Variants in HACE1 observed in about 807,000 individuals in gnomAD.
The protein encoded by HACE1 is E3 ubiquitin-protein ligase HACE1.
HACE1 carries 73 observed loss-of-function variants against 118.4 expected under a neutral mutation model. That is an observed-to-expected ratio of 0.62 (90% CI 0.51 to 0.75). The LOEUF is 0.75. Among genes scored for constraint, HACE1 ranks in the 30% least tolerant of loss-of-function variants. The probability of loss-of-function intolerance (pLI) is 0.00; values close to 1 mark genes in which losing one functional copy is unlikely to be tolerated. For synonymous variants in HACE1, 368 were observed against 374.8 expected (o/e 0.98, Z 0.21); for missense variants, 749 against 1,102.2 (o/e 0.68, Z 4.54).
intron 17 of HACE1, among the ~76,000 whole-genome samples, chr6:104,775,468 C>T (rs1220665283): frequency 6.6e-6 from 1 of 151,974 alleles, no homozygotes; most frequent in Non-Finnish European, 1.5e-5. Context: ...AAGGAAGTAC[C>T]TCAACTAATG....
chr6:104,811,512 CT>C, intron 6 of HACE1, 119 bp from the exon 7 acceptor site: 1 of 616,938 alleles, frequency 1.6e-6, no homozygotes, highest in East Asian at 3.5e-5. Context: ...TACATAGGAA[CT>C]GAGTGGGCAC....
rs1369017883 is a variant in HACE1 at position 104,729,316 on chromosome 6, C to T, written c.*346G>A. 6 of 245,338 alleles carry T rather than the reference C, an allele frequency of 2.4e-5. No individual in the cohort carries two copies. In the Admixed American group the frequency reaches 3.1e-4, roughly 13 times the overall value. 15.2% of individuals were successfully genotyped at this position (245,338 alleles called of 1,614,324 possible). A position where few individuals can be genotyped will look rare whatever the true frequency, so the allele number is the denominator to read the frequency against. ...TATATCAGAAATTAGGAGAAAACACCCTTTTAACAAGACAGTTACATAGCA... is the reference window on the plus strand; with the variant it reads ...TATATCAGAAATTAGGAGAAAACACTCTTTTAACAAGACAGTTACATAGCA... On this transcript the variant is annotated 3_prime_UTR_variant, in exon 24 of 24. Coordinates refer to ENST00000262903, the MANE Select transcript of HACE1 (RefSeq NM_020771.4).
intron 11 of HACE1, among the ~76,000 whole-genome samples, chr6:104,789,317 T>A (rs565384102): frequency 6.6e-6 from 1 of 152,098 alleles, no homozygotes; most frequent in African/African-American, 2.4e-5. Context: ...CAATTAGTGT[T>A]TTACAAAATG....
chr6:104,744,047 GGTGGTAA>G, intron 22 of HACE1, 106 bp downstream of exon 22: 2 of 730,250 alleles, frequency 2.7e-6, no homozygotes, highest in East Asian at 5.1e-5. Flanking sequence ...CAGTGGAAAG[GGTGGTAA>G]GTTACTGACA....
chr6:104,852,695 C>T (rs2499663), intron 1 of HACE1, among the ~76,000 whole-genome samples: 66,214 of 151,932 alleles, frequency 0.44, 16,013 homozygotes, highest in East Asian at 0.58. Context: ...TGGTAGCCCG[C>T]GCATCATCAT....
chr6:104,845,884 C>A (rs887150927), intron 4 of HACE1: 1 of 152,142 alleles, frequency 6.6e-6, no homozygotes, highest in Non-Finnish European at 1.5e-5. Context: ...GACCACAAAC[C>A]AGATAGTCCC....
chr6:104,759,051 G>T (rs1779036171), intron 19 of HACE1, among the ~76,000 whole-genome samples: 1 of 151,896 alleles, frequency 6.6e-6, no homozygotes, highest in Admixed American at 6.6e-5. Context: ...GAATCATAAA[G>T]CAAGTCCTTA....
intron 6 of HACE1, among the ~76,000 whole-genome samples, chr6:104,828,678 C>A (rs1773566559): frequency 6.6e-6 from 1 of 151,936 alleles, no homozygotes; most frequent in South Asian, 2.1e-4. Context: ...CTGCCCAAAC[C>A]ACTTCCTTCC....
intron 19 of HACE1, among the ~76,000 whole-genome samples, chr6:104,768,259 A>G (rs1780217395): frequency 6.6e-6 from 1 of 152,176 alleles, no homozygotes; most frequent in South Asian, 2.1e-4. Flanking sequence ...TTTAAGTTTC[A>G]ATAGTTCAAA....
chr6:104,755,130 T>C lies in HACE1; in HGVS notation c.2212-4658A>G, dbSNP rs566338217. ...AATGGAAAACAGAAAAAAGCAGGAGTTGCAACCCTAGATTCTGACAAAAGA... is the reference window on the plus strand; with the variant it reads ...AATGGAAAACAGAAAAAAGCAGGAGCTGCAACCCTAGATTCTGACAAAAGA... On this transcript the variant is annotated intron_variant, in intron 19 of 23. Coordinates refer to ENST00000262903, the MANE Select transcript of HACE1 (RefSeq NM_020771.4). Among the ~76,000 whole-genome samples the C allele has an allele frequency of 2.9e-4, 43 of 150,104 alleles. No individual in the cohort carries two copies. The Middle Eastern group carries it at 0.01, about 36-fold the overall frequency.
Position 104,744,509 on chromosome 6 carries a change from T to C in HACE1, c.2442+3A>G, listed in dbSNP as rs773399290. On this transcript the variant is annotated splice_donor_region_variant and intron_variant, in intron 21 of 23. Transcript: ENST00000262903. ...TTCATTCTAAGCTCTAGAGAAATTT[T>C]ACCTGAATAACTGGATCTTCTCTTT... 5 of 1,488,170 alleles carry C rather than the reference T, an allele frequency of 3.4e-6. No homozygotes were observed. The highest frequency in any genetic ancestry group is 2.3e-5 in the East Asian group (1 of 44,214). The allele number at this position is 1,488,170 out of a possible 1,614,324, so 92.2% of individuals were successfully genotyped here.
At chr6:104,791,703 T>C (rs201815593) in intron 10 of HACE1, 49 bp from the exon 11 acceptor site, 5 of 1,200,692 alleles carry the variant, frequency 4.2e-6, no homozygotes, top group East Asian at 4.9e-5. Flanking sequence ...AAATTACATA[T>C]TAAAATACTT....
At chr6:104,766,863 CAGAGA>C (rs1280425775) in intron 19 of HACE1, 2 of 152,196 alleles carry the variant, frequency 1.3e-5, no homozygotes, top group African/African-American at 4.8e-5. Flanking sequence ...TGGAACCATA[CAGAGA>C]AGACTGGATG....
intron 4 of HACE1, among the ~76,000 whole-genome samples, chr6:104,848,283 C>A (rs1294005021): frequency 6.6e-6 from 1 of 150,998 alleles, no homozygotes; most frequent in African/African-American, 2.4e-5. Context: ...TGGTGAAACC[C>A]CGTCTCTACT....
At chr6:104,796,797 C>G (rs779209481) in intron 8 of HACE1, 41 bp from the exon 9 acceptor site, 2 of 1,238,734 alleles carry the variant, frequency 1.6e-6, no homozygotes, top group South Asian at 2.4e-5. Flanking sequence ...TAAAAACAGT[C>G]CCTTTTAAAG....
chr6:104,804,524 T>A (rs1055059990), intron 7 of HACE1, among the ~76,000 whole-genome samples: 7 of 152,008 alleles, frequency 4.6e-5, no homozygotes, highest in Admixed American at 2.0e-4. Flanking sequence ...TATAGACCAA[T>A]GGAACAGAAT....
chr6:104,772,219 T>C (rs1339126436), intron 17 of HACE1, 145 bp from the exon 18 acceptor site: 1 of 572,188 alleles, frequency 1.7e-6, no homozygotes, highest in African/African-American at 1.9e-5. Flanking sequence ...ATGTTCTTTG[T>C]GGAAAATATA....
Position 104,785,011 on chromosome 6 carries a change from C to T in HACE1, c.1383G>A (p.Met461Ile). 6.2e-7 allele frequency: 1 copy of T among 1,613,416 alleles called. No homozygotes were observed. Residue 461 changes from methionine to isoleucine, a missense_variant, in exon 12 of 24, where the codon ATG becomes ATA. Around this residue, in one of 5 missense-constraint regions of HACE1, gnomAD observed 195 missense variants for 322.1 expected, o/e 0.61. Coordinates refer to ENST00000262903, the MANE Select transcript of HACE1 (RefSeq NM_020771.4). ...RLSAVIQAFY[M>I]CCSCQMPPGM... The stretch of plus-strand genomic sequence containing the variant: ...CCGGAGGCATCTGACAAGAACAGCA[C>T]ATGTAAAAAGCTTGAATGACAGCAC...
At chr6:104,833,349 T>C (rs1774196947) in intron 5 of HACE1, among the ~76,000 whole-genome samples, 176 bp from the exon 6 acceptor site, 1 of 152,230 alleles carries the variant, frequency 6.6e-6, no homozygotes, top group South Asian at 2.1e-4. Context: ...TTTTTTTCCT[T>C]TTTTAAATTT....
Sources: gnomAD v4.1 joint callset for allele counts (sites outside exome capture counted in the v4.1 genomes callset) on GRCh38, gnomAD v4.1.1 for gene constraint, gnomAD v4.1.1 regional missense constraint, MANE v1.5 for transcripts, NCBI Gene and HGNC (gene_info 2026-07-23, HGNC 2026-07-21) for gene names.